SPRY4: variants seen among roughly 807,000 people sequenced by gnomAD.
SPRY4 encodes the protein protein sprouty homolog 4.
A neutral mutation model predicts 17.0 loss-of-function variants in SPRY4; 7 were observed. The observed-to-expected ratio is 0.41, with a 90% confidence interval of 0.23 to 0.77. SPRY4 has a LOEUF of 0.77. Among genes scored for constraint, SPRY4 ranks in the 30% least tolerant of loss-of-function variants. The pLI is 0.32. For missense variants in SPRY4, 435 were observed against 419.9 expected (o/e 1.04, Z -0.31); for synonymous variants, 183 against 174.1 (o/e 1.05, Z -0.40).
rs953476816 is a variant in SPRY4 at position 142,311,844 on chromosome 5, G to C, written c.*2365C>G. The C allele has an allele frequency of 6.6e-6, 1 of 152,420 alleles. No homozygotes were observed. The highest frequency in any genetic ancestry group is 2.4e-5 in the African/African-American group (1 of 41,316). The allele number at this position is 152,420 out of a possible 1,614,324, so 9.4% of individuals were successfully genotyped here. A position where few individuals can be genotyped will look rare whatever the true frequency, so the allele number is the denominator to read the frequency against. On this transcript the variant is annotated 3_prime_UTR_variant, in exon 2 of 2. Transcript: ENST00000434127. ...CAAACCAAAACCCAGAAAAATCCGT[G>C]TTTACAAGTATGTACACAAAAAGTC...
chr5:142,318,003 C>G lies in SPRY4; in HGVS notation c.-47-2848G>C, dbSNP rs552523917. 6 of 985,368 alleles carry G rather than the reference C, an allele frequency of 6.1e-6. No individual in the cohort carries two copies. In the African/African-American group the frequency reaches 1.0e-4, roughly 17 times the overall value. 61.0% of individuals were successfully genotyped at this position (985,368 alleles called of 1,614,324 possible). On this transcript the variant is annotated intron_variant, in intron 1 of 1. Coordinates refer to ENST00000434127, the MANE Select transcript of SPRY4 (RefSeq NM_001127496.3). The stretch of plus-strand genomic sequence containing the variant: ...AACCCCGATGTAGTAGGATTCCTTT[C>G]AACCACCAGCTCAGCAAAAACCAAA...
At position 142,313,983 on chromosome 5, in the gene SPRY4, A is replaced by C; in HGVS notation, c.*226T>G. ...GCCCCTGCATTGTCTGTTTGACACA[A>C]AGTTTCAGGACCCTGAAAAAAAGCC... On this transcript the variant is annotated 3_prime_UTR_variant, in exon 2 of 2. Coordinates refer to ENST00000434127, the MANE Select transcript of SPRY4 (RefSeq NM_001127496.3). The C allele has an allele frequency of 1.8e-6, 1 of 567,836 alleles. No homozygotes were observed. Among genetic ancestry groups the C allele is most frequent in the Non-Finnish European group, 3.1e-6 (1 of 323,114 alleles). 35.2% of individuals were successfully genotyped at this position (567,836 alleles called of 1,614,324 possible). A position where few individuals can be genotyped will look rare whatever the true frequency, so the allele number is the denominator to read the frequency against.
Position 142,314,323 on chromosome 5 carries a change from C to A in SPRY4, c.786G>T (p.Gln262His). Residue 262 changes from glutamine to histidine, a missense_variant, in exon 2 of 2, where the codon CAG becomes CAT. Gln to His is a conservative substitution (Grantham distance 24). Coordinates refer to ENST00000434127, the MANE Select transcript of SPRY4 (RefSeq NM_001127496.3). This position sits in a 1 kb window ranked among gnomAD's most constrained non-coding sequence, Gnocchi z 4.8. ...LPATGCVKLA[Q>H]RGYDRLRRPG... ...GGCGGCGCAGACGGTCGTAGCCACG[C>A]TGGGCCAGCTTCACGCAGCCGGTGG... 1 of 1,614,048 alleles carries A rather than the reference C, an allele frequency of 6.2e-7. No homozygotes were observed. Among genetic ancestry groups the A allele is most frequent in the Non-Finnish European group, 8.5e-7 (1 of 1,179,978 alleles).
intron 1 of SPRY4, chr5:142,317,317 C>T (rs1759186619): frequency 8.1e-6 from 8 of 985,414 alleles, no homozygotes; most frequent in African/African-American, 1.7e-5. Flanking sequence ...GGGTTAGGAG[C>T]CCAAGGTCCA....
At chr5:142,318,132 A>G in intron 1 of SPRY4, 2 of 985,252 alleles carry the variant, frequency 2.0e-6, no homozygotes, top group Non-Finnish European at 2.4e-6. Flanking sequence ...TGAGCTGCCT[A>G]TTTAAGAACC....
intron 1 of SPRY4, among the ~76,000 whole-genome samples, chr5:142,322,051 T>C (rs1336371543): frequency 7.2e-6 from 1 of 138,532 alleles, no homozygotes; most frequent in Non-Finnish European, 1.6e-5. Context: ...CTGCTTTCAT[T>C]TATTATTCAC....
intron 1 of SPRY4, among the ~76,000 whole-genome samples, chr5:142,316,502 TAAG>T (rs1354380912): frequency 6.6e-6 from 1 of 151,870 alleles, no homozygotes; most frequent in African/African-American, 2.4e-5. Context: ...ACCCCAATCT[TAAG>T]AACCCCAGGG....
At chr5:142,317,076 G>T (rs1180905263) in intron 1 of SPRY4, 7 of 985,464 alleles carry the variant, frequency 7.1e-6, no homozygotes, top group Non-Finnish European at 8.4e-6. Context: ...GTGTCTGGCA[G>T]GTCTGCCACC....
chr5:142,323,394 G>T (rs1759416279), intron 1 of SPRY4, among the ~76,000 whole-genome samples: 2 of 152,220 alleles, frequency 1.3e-5, no homozygotes, highest in African/African-American at 4.8e-5. Flanking sequence ...GAAAGAAGGG[G>T]ATGCCACTAG....
Position 142,314,933 on chromosome 5 carries a change from G to T in SPRY4, c.176C>A (p.Ala59Asp). The T allele has an allele frequency of 6.2e-7, 1 of 1,613,506 alleles. No individual in the cohort carries two copies. The highest frequency in any genetic ancestry group is 8.5e-7 in the Non-Finnish European group (1 of 1,179,502). ...ENDYIDNPSL[A>D]LTTGPKRTRG... ...GGTCCGCTTTGGGCCGGTGGTCAGG[G>T]CCAGGCTAGGGTTGTCTATGTAGTC... is the stretch of plus-strand genomic sequence containing the variant. Residue 59 changes from alanine to aspartate, a missense_variant, in exon 2 of 2, where the codon GCC (alanine) becomes GAC (aspartate). Physicochemically the swap from Ala to Asp is moderately radical, Grantham distance 126 (BLOSUM62 -2). Transcript: ENST00000434127. This position sits in a 1 kb window ranked among gnomAD's most constrained non-coding sequence, Gnocchi z 4.8.
intron 1 of SPRY4, among the ~76,000 whole-genome samples, chr5:142,322,646 G>A (rs17098398): frequency 2.6e-5 from 4 of 151,756 alleles, no homozygotes; most frequent in Admixed American, 6.6e-5. Context: ...AAAGGTCATG[G>A]AGCTGGGCAG....
In SPRY4 at chr5:142,313,953, ACCCTGC is replaced by A; in HGVS notation, c.*250_*255del. 1 of 502,238 alleles carries A rather than the reference ACCCTGC, an allele frequency of 2.0e-6. No homozygotes were observed. 31.1% of individuals were successfully genotyped at this position (502,238 alleles called of 1,614,324 possible). ...AAAGAAAAATTTCCCCCCAAACCAC[ACCCTGC>A]CCCTGCATTGTCTGTTTGACACAAA... is the stretch of plus-strand genomic sequence containing the variant. On this transcript the variant is annotated 3_prime_UTR_variant, in exon 2 of 2. Transcript: ENST00000434127.
intron 1 of SPRY4, chr5:142,315,430 G>A (rs182728087): frequency 5.9e-5 from 23 of 390,558 alleles, no homozygotes; most frequent in Middle Eastern, 1.3e-3. Flanking sequence ...AGCCTAAAAC[G>A]TAACTACTAT....
chr5:142,320,443 A>AT (rs1435868206), intron 1 of SPRY4, among the ~76,000 whole-genome samples: 2 of 151,832 alleles, frequency 1.3e-5, no homozygotes, highest in African/African-American at 4.8e-5. Context: ...CACATTACCG[A>AT]TTCCCAACCC....
intron 1 of SPRY4, among the ~76,000 whole-genome samples, chr5:142,322,328 G>T (rs1759369821): frequency 6.6e-6 from 1 of 151,990 alleles, no homozygotes; most frequent in Non-Finnish European, 1.5e-5. Context: ...AAAATTAGCT[G>T]GGTGTGGTGG....
At chr5:142,321,185 T>C (rs1759334948) in intron 1 of SPRY4, among the ~76,000 whole-genome samples, 1 of 152,118 alleles carries the variant, frequency 6.6e-6, no homozygotes, top group African/African-American at 2.4e-5. Flanking sequence ...ACACCTCCTG[T>C]GCAGGAAAGG....
intron 1 of SPRY4, chr5:142,319,617 AC>A (rs1759275544): frequency 2.3e-6 from 3 of 1,286,634 alleles, no homozygotes. Context: ...GAGCCAGGGC[AC>A]AGAGAGTCCT....
rs762527197 is a variant in SPRY4 at position 142,319,732 on chromosome 5, C to G, written c.-47-4577G>C. On this transcript the variant is annotated intron_variant, in intron 1 of 1. Transcript: ENST00000434127. ...CCAGAACCAGCCAGTCTGACACTCA[C>G]TGCATTTGTACCTGTGGGGAGGGGG... 6 of 1,611,852 alleles carry G rather than the reference C, an allele frequency of 3.7e-6. No homozygotes were observed. The Admixed American group carries it at 6.7e-5, about 18-fold the overall frequency.
chr5:142,319,969 G>A (rs1596872407), intron 1 of SPRY4, among the ~76,000 whole-genome samples: 1 of 152,310 alleles, frequency 6.6e-6, no homozygotes, highest in East Asian at 1.9e-4. Flanking sequence ...CTGGCAAGAG[G>A]CTGTGAATGA....
Sources: gnomAD v4.1 joint callset for allele counts (sites outside exome capture counted in the v4.1 genomes callset) on GRCh38, gnomAD v4.1.1 for gene constraint, Gnocchi (gnomAD v3.1) non-coding constraint, MANE v1.5 for transcripts, NCBI Gene and HGNC (gene_info 2026-07-23, HGNC 2026-07-21) for gene names.